CYP3A4: variants seen among roughly 807,000 people sequenced by gnomAD.
CYP3A4 encodes the protein cytochrome P450 family 3 subfamily A member 4, also known as cytochrome P450 3A4.
A neutral mutation model predicts 54.9 loss-of-function variants in CYP3A4; 41 were observed. The observed-to-expected ratio is 0.75, with a 90% CI of 0.58 to 0.97. The LOEUF (loss-of-function observed/expected upper bound fraction) is 0.97, where lower values mean the gene tolerates loss of function less well. CYP3A4 is among the 50% of genes least tolerant of loss of function. The pLI, the probability that CYP3A4 is intolerant of heterozygous loss-of-function variation, is 0.00. For missense variants in CYP3A4, 510 were observed against 597.3 expected (o/e 0.85, Z 1.52); for synonymous variants, 179 against 205.2 (o/e 0.87, Z 1.09).
intron 3 of CYP3A4, among the ~76,000 whole-genome samples, chr7:99,774,744 G>A (rs1325867847): frequency 6.6e-6 from 1 of 152,116 alleles, no homozygotes; most frequent in Non-Finnish European, 1.5e-5. Context: ...CATACTGAAT[G>A]GGCAAAAACT....
intron 1 of CYP3A4, among the ~76,000 whole-genome samples, chr7:99,782,987 A>T (rs1428051498): frequency 6.6e-6 from 1 of 152,196 alleles, no homozygotes; most frequent in Non-Finnish European, 1.5e-5. Context: ...TAGAAGGAAC[A>T]TGTTGGAAAT....
intron 9 of CYP3A4, among the ~76,000 whole-genome samples, chr7:99,764,284 G>A (rs563425706): frequency 6.2e-4 from 95 of 152,258 alleles, no homozygotes; most frequent in African/African-American, 2.3e-3. Flanking sequence ...GCACAGCTGT[G>A]TAATTTCCAG....
At chr7:99,769,529 C>G (rs1195610299) in intron 6 of CYP3A4, 5 of 526,436 alleles carry the variant, frequency 9.5e-6, no homozygotes, top group Non-Finnish European at 1.7e-5. Flanking sequence ...TCCAAGGTGA[C>G]AATTTAATGG....
rs1409555550 is a variant in CYP3A4 at position 99,772,784 on chromosome 7, TA to T, written c.219-96del. 5 of 1,270,570 alleles carry T rather than the reference TA, an allele frequency of 3.9e-6. No homozygotes were observed. In the African/African-American group the frequency reaches 7.4e-5, roughly 19 times the overall value. The allele number at this position is 1,270,570 out of a possible 1,614,324, so 78.7% of individuals were successfully genotyped here. On this transcript the variant is annotated intron_variant, in intron 3 of 12. Coordinates refer to ENST00000651514, the MANE Select transcript of CYP3A4 (RefSeq NM_017460.6). Reference sequence around the variant, plus strand: ...GCCAGACTTTGATCCTGACTTTACATAATCCCTTAGTTGTACAATACACAGT... The same window carrying T: ...GCCAGACTTTGATCCTGACTTTACATATCCCTTAGTTGTACAATACACAGT...
At chr7:99,761,138 T>C (rs1815314790) in intron 11 of CYP3A4, among the ~76,000 whole-genome samples, 157 bp from the exon 12 acceptor site, 1 of 152,254 alleles carries the variant, frequency 6.6e-6, no homozygotes, top group Admixed American at 6.5e-5. Flanking sequence ...TATTTTGCTA[T>C]GAGAATTGTA....
At chr7:99,763,118 G>A (rs1815381132) in intron 10 of CYP3A4, among the ~76,000 whole-genome samples, 1 of 152,162 alleles carries the variant, frequency 6.6e-6, no homozygotes, top group Admixed American at 6.5e-5. Flanking sequence ...TAGGTGTGGG[G>A]AGAGCTGAGT....
At chr7:99,762,011 G>T in intron 11 of CYP3A4, 30 bp downstream of exon 11, 1 of 1,603,762 alleles carries the variant, frequency 6.2e-7, no homozygotes. Context: ...GGCTGGTTCA[G>T]GGAGGGCTCC....
chr7:99,781,870 A>T (rs1325540667), intron 1 of CYP3A4, among the ~76,000 whole-genome samples: 3 of 152,248 alleles, frequency 2.0e-5, no homozygotes, highest in Non-Finnish European at 4.4e-5. Context: ...CTCTTCTTTA[A>T]AGGGTAGCCC....
At chr7:99,765,447 A>G (rs1815451443) in intron 9 of CYP3A4, among the ~76,000 whole-genome samples, 1 of 152,098 alleles carries the variant, frequency 6.6e-6, no homozygotes, top group South Asian at 2.1e-4. Context: ...TAGATGGATA[A>G]ATGATAGATG....
chr7:99,760,703 T>C, intron 12 of CYP3A4, 116 bp downstream of exon 12: 2 of 1,348,814 alleles, frequency 1.5e-6, no homozygotes, highest in East Asian at 2.5e-5. Context: ...ATTGATTCTT[T>C]GGCCCAGAGA....
At chr7:99,782,829 G>T (rs560165541) in intron 1 of CYP3A4, among the ~76,000 whole-genome samples, 3 of 152,244 alleles carry the variant, frequency 2.0e-5, no homozygotes, top group African/African-American at 7.2e-5. Context: ...CGTTGGGAAG[G>T]TATATTTTAA....
At position 99,763,871 on chromosome 7, in the gene CYP3A4, G is replaced by A. The variant is rs1160153730; in HGVS notation, c.1010C>T (p.Ala337Val). 6.2e-7 allele frequency: 1 copy of A among 1,613,822 alleles called. No individual in the cohort carries two copies. Among genetic ancestry groups the A allele is most frequent in the East Asian group, 2.2e-5 (1 of 44,834 alleles). The change falls in exon 10 of 13, where the codon GCA becomes GTA. Residue 337 changes from alanine to valine, a missense_variant. By Grantham distance (64) the Ala-to-Val change is moderately conservative. Transcript: ENST00000651514. ...TCCACTCACCTTATTGGGTAAAACTGCATCAATTTCCTCCTGCAGTTTCTG... is the reference window on the plus strand; with the variant it reads ...TCCACTCACCTTATTGGGTAAAACTACATCAATTTCCTCCTGCAGTTTCTG... ...VQQKLQEEID[A>V]VLPNKAPPTY...
In CYP3A4 at chr7:99,768,441, A is replaced by C; in HGVS notation, c.583T>G (p.Ser195Ala). Residue 195 changes from serine to alanine, a missense_variant, in exon 7 of 13, where the codon TCT becomes GCT. Ser to Ala is a moderately conservative substitution (Grantham distance 99). Coordinates refer to ENST00000651514, the MANE Select transcript of CYP3A4 (RefSeq NM_017460.6). ...AAGGGGTCTTGTGGATTGTTGAGAGAGTCGATGTTCACTCCAAATGATGTG... is the reference window on the plus strand; with the variant it reads ...AAGGGGTCTTGTGGATTGTTGAGAGCGTCGATGTTCACTCCAAATGATGTG... ...TSTSFGVNID[S>A]LNNPQDPFVE... is the part of the protein sequence containing the mutation. The C allele has an allele frequency of 6.2e-7, 1 of 1,614,110 alleles. No individual in the cohort carries two copies. The highest frequency in any genetic ancestry group is 8.5e-7 in the Non-Finnish European group (1 of 1,179,952).
chr7:99,772,622 T>C lies in CYP3A4; in HGVS notation c.286A>G (p.Lys96Glu), dbSNP rs3091339. 51 of 1,613,208 alleles carry C rather than the reference T, an allele frequency of 3.2e-5. No homozygotes were observed. Among genetic ancestry groups the C allele is most frequent in the Non-Finnish European group, 4.3e-5 (51 of 1,179,508 alleles). Residue 96 changes from lysine (K) to glutamate (E), a missense_variant, in exon 4 of 13, where the codon AAA (lysine) becomes GAA (glutamate). Physicochemically the swap from Lys to Glu is moderately conservative, Grantham distance 56. Around this residue, in one of 2 missense-constraint regions of CYP3A4, gnomAD observed 272 missense variants for 274.9 expected, o/e 0.99. Coordinates refer to ENST00000651514, the MANE Select transcript of CYP3A4 (RefSeq NM_017460.6). ...DPDMIKTVLV[K>E]ECYSVFTNRR... ...TTTGTGAAGACAGAATAACATTCTT[T>C]CACTAGCACTGTTTTGATCATGTCA...
chr7:99,771,008 T>G (rs1815621779), intron 4 of CYP3A4, among the ~76,000 whole-genome samples: 1 of 152,142 alleles, frequency 6.6e-6, no homozygotes, highest in Non-Finnish European at 1.5e-5. Flanking sequence ...AACAGCCCAC[T>G]TCATCTAAAT....
chr7:99,758,514 T>A (rs141699118), intron 12 of CYP3A4, among the ~76,000 whole-genome samples: 86 of 152,312 alleles, frequency 5.6e-4, no homozygotes, highest in Non-Finnish European at 2.9e-5. Flanking sequence ...TAACAAAATA[T>A]TTATGGAGTA....
rs935265408 is a variant in CYP3A4, at chr7:99,762,364, C to T, written c.1027-97G>A. 6 of 1,428,160 alleles carry T rather than the reference C, an allele frequency of 4.2e-6. No individual in the cohort carries two copies. The Admixed American group carries it at 5.9e-5, about 14-fold the overall frequency. The allele number at this position is 1,428,160 out of a possible 1,614,324, so 88.5% of individuals were successfully genotyped here. On this transcript the variant is annotated intron_variant, in intron 10 of 12. Transcript: ENST00000651514. Reference sequence around the variant, plus strand: ...AATGAAGTATTAGGAGCTCCAGAGACTAACTCATACTGGTAAAGGATCGAA... The same window carrying T: ...AATGAAGTATTAGGAGCTCCAGAGATTAACTCATACTGGTAAAGGATCGAA...
At chr7:99,782,878 G>A (rs755194869) in intron 1 of CYP3A4, among the ~76,000 whole-genome samples, 10 of 152,050 alleles carry the variant, frequency 6.6e-5, no homozygotes, top group Non-Finnish European at 1.2e-4. Flanking sequence ...ATACATTTGT[G>A]CATTAGATTC....
At position 99,760,876 on chromosome 7, in the gene CYP3A4, T is replaced by G. The variant is rs774168721; in HGVS notation, c.1359A>C (p.Lys453Asn). 3.1e-6 allele frequency: 5 copies of G among 1,614,122 alleles called. No homozygotes were observed. In the East Asian group the frequency reaches 1.1e-4, roughly 36 times the overall value. ...IGMRFALMNM[K>N]LALIRVLQNF... ...TCTGAAGGACTCTGATTAGAGCAAG[T>G]TTCATGTTCATGAGAGCAAACCTCA... The change falls in exon 12 of 13, where the codon AAA becomes AAC. Residue 453 changes from lysine to asparagine, a missense_variant. Lys to Asn is a moderately conservative substitution (Grantham distance 94). This residue lies in a region of CYP3A4 where 238 missense variants were observed against 322.5 expected (regional missense o/e 0.74). Coordinates refer to ENST00000651514, the MANE Select transcript of CYP3A4 (RefSeq NM_017460.6).
Sources: allele counts gnomAD v4.1 joint callset (sites outside exome capture counted in the v4.1 genomes callset), GRCh38; gene constraint gnomAD v4.1.1; regional missense constraint gnomAD v4.1.1; transcripts MANE v1.5; gene names NCBI Gene and HGNC (gene_info 2026-07-23, HGNC 2026-07-21).